FSHR: variants seen among roughly 807,000 people sequenced by gnomAD.
FSHR encodes follicle-stimulating hormone receptor.
In FSHR, 46 loss-of-function variants were observed where a neutral mutation model predicts 52.1. The ratio of observed to expected loss-of-function variants is 0.88; its 90% confidence interval spans 0.70 to 1.13. FSHR has a LOEUF of 1.13. Among genes scored for constraint, FSHR ranks in the 50% most tolerant of loss-of-function variants. The pLI, the probability that FSHR is intolerant of heterozygous loss-of-function variation, is 0.00. For missense variants in FSHR, 964 were observed against 834.6 expected (o/e 1.16, Z -1.91); for synonymous variants, 399 against 309.6 (o/e 1.29, Z -3.03).
chr2:49,067,358 A>G (rs1669545458), intron 2 of FSHR, among the ~76,000 whole-genome samples: 1 of 152,130 alleles, frequency 6.6e-6, no homozygotes, highest in Non-Finnish European at 1.5e-5. Context: ...AGGGATATAA[A>G]AGAACCAAAA....
At chr2:48,985,730 G>A (rs1285936743) in intron 6 of FSHR, among the ~76,000 whole-genome samples, 1 of 107,078 alleles carries the variant, frequency 9.3e-6, no homozygotes, top group East Asian at 2.7e-4. Flanking sequence ...TTTTTGAGAC[G>A]GAGTCTCGCT....
intron 1 of FSHR, among the ~76,000 whole-genome samples, chr2:49,124,141 C>T (rs538966784): frequency 9.5e-4 from 142 of 148,938 alleles, no homozygotes; most frequent in African/African-American, 3.5e-3. Context: ...TACAGGCACC[C>T]ACCACCACGT....
intron 2 of FSHR, among the ~76,000 whole-genome samples, chr2:49,034,280 T>G (rs1295514762): frequency 1.3e-5 from 2 of 152,146 alleles, no homozygotes; most frequent in Non-Finnish European, 2.9e-5. Context: ...TGAAAGCTGG[T>G]GAGATGAGGC....
At chr2:49,022,220 G>A (rs1034738809) in intron 2 of FSHR, among the ~76,000 whole-genome samples, 4 of 152,014 alleles carry the variant, frequency 2.6e-5, no homozygotes, top group Non-Finnish European at 4.4e-5. Flanking sequence ...TGTCCTTGCC[G>A]AAGTTCACAT....
At chr2:49,118,895 C>T (rs1221200522) in intron 1 of FSHR, among the ~76,000 whole-genome samples, 2 of 152,204 alleles carry the variant, frequency 1.3e-5, no homozygotes, top group Non-Finnish European at 2.9e-5. Flanking sequence ...GCATGGGATC[C>T]TCTCTTGAGT....
At chr2:49,034,123 A>T (rs76938919) in intron 2 of FSHR, among the ~76,000 whole-genome samples, 3 of 152,344 alleles carry the variant, frequency 2.0e-5, no homozygotes, top group Non-Finnish European at 4.4e-5. Context: ...TGGAGGGCTC[A>T]AATGTTTAAT....
chr2:49,054,341 G>T (rs1032135297), intron 2 of FSHR, among the ~76,000 whole-genome samples: 2 of 152,110 alleles, frequency 1.3e-5, no homozygotes, highest in African/African-American at 4.8e-5. Flanking sequence ...AGCTGGCTAA[G>T]CAACCTTGCA....
chr2:49,039,102 A>G (rs1248652824), intron 2 of FSHR, among the ~76,000 whole-genome samples: 1 of 150,848 alleles, frequency 6.6e-6, no homozygotes, highest in Non-Finnish European at 1.5e-5. Flanking sequence ...ACATCCATAG[A>G]CTCAGAATGA....
chr2:49,007,172 G>C (rs1166816536), intron 4 of FSHR, among the ~76,000 whole-genome samples: 1 of 152,026 alleles, frequency 6.6e-6, no homozygotes, highest in Non-Finnish European at 1.5e-5. Flanking sequence ...CCCAAGTATG[G>C]CTCTTTTCCC....
chr2:49,003,885 G>T (rs1377777234), intron 4 of FSHR, among the ~76,000 whole-genome samples: 2 of 150,674 alleles, frequency 1.3e-5, no homozygotes, highest in African/African-American at 2.4e-5. Context: ...TGCCTCCTCT[G>T]GCCCATCCCC....
intron 1 of FSHR, among the ~76,000 whole-genome samples, chr2:49,085,989 G>A (rs1286028431): frequency 6.6e-6 from 1 of 151,846 alleles, no homozygotes; most frequent in Non-Finnish European, 1.5e-5. Flanking sequence ...GGGAGGGATA[G>A]CATTAGGAGA....
chr2:48,987,297 G>A (rs924446573), intron 6 of FSHR, among the ~76,000 whole-genome samples: 11 of 152,062 alleles, frequency 7.2e-5, no homozygotes, highest in South Asian at 2.1e-4. Flanking sequence ...TCTGCCTCCC[G>A]GGTTCAAGCG....
At chr2:49,136,173 C>A (rs1048841527) in intron 1 of FSHR, among the ~76,000 whole-genome samples, 1 of 151,692 alleles carries the variant, frequency 6.6e-6, no homozygotes, top group African/African-American at 2.4e-5. Context: ...ATCAGAAATG[C>A]AAGATATGGT....
chr2:49,144,446 C>A (rs1392528294), intron 1 of FSHR, among the ~76,000 whole-genome samples: 1 of 152,124 alleles, frequency 6.6e-6, no homozygotes, highest in African/African-American at 2.4e-5. Context: ...CATTCAAAGA[C>A]TGTGTGTTCT....
At chr2:49,138,522 TTAAAA>T (rs1273170911) in intron 1 of FSHR, among the ~76,000 whole-genome samples, 24 of 152,328 alleles carry the variant, frequency 1.6e-4, no homozygotes, top group South Asian at 6.2e-4. Flanking sequence ...TTTTCGACCC[TTAAAA>T]TAATAGAGTA....
chr2:49,044,793 C>G (rs1668598110), intron 2 of FSHR, among the ~76,000 whole-genome samples: 1 of 152,200 alleles, frequency 6.6e-6, no homozygotes, highest in African/African-American at 2.4e-5. Flanking sequence ...TTGCCCACCT[C>G]AGACTGCCAG....
chr2:48,990,418 C>T (rs1675714410), intron 5 of FSHR, 148 bp downstream of exon 5: 3 of 682,330 alleles, frequency 4.4e-6, no homozygotes. Flanking sequence ...AAATCAAGGA[C>T]CTCACTTCTG....
rs559104273 is a variant in FSHR at position 48,967,823 on chromosome 2, CAG to C, written c.854+873_854+874del. ...GAATAATGGAGGAGACTGTGTTAAACAGAGAAATAATATCATAGGAAAGCTGT... is the reference window on the plus strand; with the variant it reads ...GAATAATGGAGGAGACTGTGTTAAACAGAAATAATATCATAGGAAAGCTGT... On this transcript the variant is annotated intron_variant, in intron 9 of 9. Transcript: ENST00000406846. 2.4e-4 allele frequency among the ~76,000 whole-genome samples: 36 copies of C among 152,270 alleles called. No individual in the cohort carries two copies. The East Asian group carries it at 5.0e-3, about 21-fold the overall frequency.
At chr2:49,011,645 G>A (rs893957933) in intron 4 of FSHR, among the ~76,000 whole-genome samples, 33 of 152,114 alleles carry the variant, frequency 2.2e-4, no homozygotes, top group African/African-American at 7.7e-4. Flanking sequence ...AACACAACTC[G>A]GTGATGCAGG....
Sources: gnomAD v4.1 joint callset for allele counts (sites outside exome capture counted in the v4.1 genomes callset) on GRCh38, gnomAD v4.1.1 for gene constraint, MANE v1.5 for transcripts, NCBI Gene and HGNC (gene_info 2026-07-23, HGNC 2026-07-21) for gene names.